The following STAT3 variants were observed in gnomAD, a reference collection of about 807,000 sequenced individuals.
The protein encoded by STAT3 is DNA-binding protein APRF.
In STAT3, 7 loss-of-function variants were observed where a neutral mutation model predicts 114.3. The ratio of observed to expected loss-of-function variants is 0.06; its 90% CI spans 0.03 to 0.11. STAT3 has a LOEUF of 0.11. STAT3 is among the 10% of genes least tolerant of loss of function. The pLI is 1.00. For synonymous variants in STAT3, 331 were observed against 354.5 expected (o/e 0.93, Z 0.74); for missense variants, 364 against 960.9 (o/e 0.38, Z 8.21).
chr17:42,387,152 A>G (rs939761194), intron 1 of STAT3: 3 of 152,216 alleles, frequency 2.0e-5, no homozygotes, highest in Non-Finnish European at 4.4e-5. Flanking sequence ...ACCAGCAGGT[A>G]CACACTATAC....
Position 42,323,745 on chromosome 17 carries a change from A to G in STAT3, c.1601-120T>C. On this transcript the variant is annotated intron_variant, in intron 17 of 23. Transcript: ENST00000264657. ...GGGCCACAAAATAATCAGCTTTCAC[A>G]TCTTTGAAGGTAGGCACTGTTGTGT... 3.2e-6 allele frequency: 3 copies of G among 946,674 alleles called. No individual in the cohort carries two copies. The South Asian group carries it at 4.2e-5, about 13-fold the overall frequency. The allele number at this position is 946,674 out of a possible 1,614,324, so 58.6% of individuals were successfully genotyped here. A position where few individuals can be genotyped will look rare whatever the true frequency, so the allele number is the denominator to read the frequency against.
At chr17:42,362,886 C>A (rs1035094821) in intron 1 of STAT3, among the ~76,000 whole-genome samples, 2 of 152,178 alleles carry the variant, frequency 1.3e-5, no homozygotes, top group African/African-American at 4.8e-5. Context: ...CTCAAAAACA[C>A]CAGGCTCCTG....
At chr17:42,341,591 A>G (rs2082445984) in intron 4 of STAT3, among the ~76,000 whole-genome samples, 1 of 152,228 alleles carries the variant, frequency 6.6e-6, no homozygotes, top group African/African-American at 2.4e-5. Flanking sequence ...CAGGGATTAC[A>G]TCCACTCTTC....
chr17:42,374,923 G>A (rs939016619), intron 1 of STAT3, among the ~76,000 whole-genome samples: 6 of 152,166 alleles, frequency 3.9e-5, no homozygotes, highest in African/African-American at 1.4e-4. Flanking sequence ...AAAGGAAAAT[G>A]AGAGCTTTAT....
chr17:42,360,542 G>A (rs1301993838), intron 1 of STAT3, among the ~76,000 whole-genome samples: 1 of 151,970 alleles, frequency 6.6e-6, no homozygotes, highest in African/African-American at 2.4e-5. Context: ...TACTCAGGAG[G>A]CTAAGGCAGG....
intron 17 of STAT3, 140 bp from the exon 18 acceptor site, chr17:42,323,765 T>A: frequency 1.2e-6 from 1 of 824,642 alleles, no homozygotes; most frequent in Non-Finnish European, 2.0e-6. Context: ...GTAGGCACTG[T>A]TGTGTGTGTG....
At chr17:42,321,623 G>T (rs1238979842) in intron 21 of STAT3, among the ~76,000 whole-genome samples, 1 of 152,022 alleles carries the variant, frequency 6.6e-6, no homozygotes, top group Admixed American at 6.6e-5. Flanking sequence ...ATTTCCTCCA[G>T]AAACCCTTTC....
At chr17:42,362,489 C>T (rs2083562358) in intron 1 of STAT3, among the ~76,000 whole-genome samples, 1 of 152,152 alleles carries the variant, frequency 6.6e-6, no homozygotes, top group South Asian at 2.1e-4. Context: ...CTTGCCACAC[C>T]CCTACTTAAA....
chr17:42,364,121 A>G (rs2083655816), intron 1 of STAT3, among the ~76,000 whole-genome samples: 1 of 151,960 alleles, frequency 6.6e-6, no homozygotes, highest in African/African-American at 2.4e-5. Flanking sequence ...CACACACATA[A>G]CCACCACCTC....
intron 1 of STAT3, 51 bp from the exon 2 acceptor site, chr17:42,348,590 C>T: frequency 6.2e-7 from 1 of 1,607,062 alleles, no homozygotes; most frequent in African/African-American, 1.3e-5. Context: ...TAGGGGTAAA[C>T]AATCTAGAAG....
intron 1 of STAT3, among the ~76,000 whole-genome samples, chr17:42,358,419 C>T (rs988131605): frequency 2.0e-5 from 3 of 152,142 alleles, no homozygotes; most frequent in Admixed American, 6.6e-5. Context: ...AAAGAAGGAG[C>T]AAGAGCTTAA....
chr17:42,318,430 C>T (rs983504308), intron 21 of STAT3, among the ~76,000 whole-genome samples: 5 of 152,138 alleles, frequency 3.3e-5, no homozygotes, highest in African/African-American at 1.2e-4. Flanking sequence ...CCAGCCTTGG[C>T]CACAATGCCC....
chr17:42,369,977 G>T (rs1321521885), intron 1 of STAT3, among the ~76,000 whole-genome samples: 2 of 150,890 alleles, frequency 1.3e-5, no homozygotes, highest in Non-Finnish European at 2.9e-5. Context: ...TTGGTTTTTT[G>T]TTGTTGTTTT....
At chr17:42,317,013 C>A (rs1447076854) in intron 22 of STAT3, 112 bp from the exon 23 acceptor site, 42 of 1,556,954 alleles carry the variant, frequency 2.7e-5, no homozygotes, top group Non-Finnish European at 2.0e-5. Context: ...TGGTCTCCAA[C>A]AGAAAAATAA....
chr17:42,315,982 G>A (rs1334981785), intron 23 of STAT3, 182 bp from the exon 24 acceptor site: 7 of 1,473,334 alleles, frequency 4.8e-6, no homozygotes, highest in Non-Finnish European at 6.3e-6. Context: ...CCCTGCCTCG[G>A]GAAGGGTCCT....
chr17:42,323,276 C>T lies in STAT3; in HGVS notation c.1732G>A (p.Ala578Thr). ...IIDLVKKYIL[A>T]LWNEGYIMGF... is the part of the protein sequence containing the mutation. ...CCAACCTACCCTTCGTTCCAAAGGG[C>T]CAGGATGTACTTTTTCACAAGGTCA... The change falls in exon 19 of 24, where the codon GCC becomes ACC. Residue 578 changes from alanine (A) to threonine (T), a missense_variant. Ala to Thr is a moderately conservative substitution (Grantham distance 58). This residue lies in a region of STAT3 where 294 missense variants were observed against 745.1 expected (regional missense o/e 0.39). Coordinates refer to ENST00000264657, the MANE Select transcript of STAT3 (RefSeq NM_139276.3). 1 of 1,614,170 alleles carries T rather than the reference C, an allele frequency of 6.2e-7. No homozygotes were observed. Among genetic ancestry groups the T allele is most frequent in the Non-Finnish European group, 8.5e-7 (1 of 1,180,028 alleles).
At chr17:42,384,124 A>ATTTT (rs1202429954) in intron 1 of STAT3, among the ~76,000 whole-genome samples, 8 of 81,954 alleles carry the variant, frequency 9.8e-5, no homozygotes, top group African/African-American at 2.8e-4. Flanking sequence ...TTATTTATTT[A>ATTTT]TTTATTTATT....
chr17:42,344,445 G>A (rs1044954899), intron 4 of STAT3, among the ~76,000 whole-genome samples: 5 of 150,894 alleles, frequency 3.3e-5, no homozygotes, highest in Non-Finnish European at 7.4e-5. Context: ...GGCTGGGCGT[G>A]GTGGCTCATG....
intron 21 of STAT3, among the ~76,000 whole-genome samples, chr17:42,321,011 C>T (rs1428848551): frequency 6.6e-6 from 1 of 151,242 alleles, no homozygotes; most frequent in Non-Finnish European, 1.5e-5. Flanking sequence ...GTCTTGAGTT[C>T]CTGGCCTCAA....
Sources: allele counts gnomAD v4.1 joint callset (sites outside exome capture counted in the v4.1 genomes callset), GRCh38; gene constraint gnomAD v4.1.1; regional missense constraint gnomAD v4.1.1; transcripts MANE v1.5; gene names NCBI Gene and HGNC (gene_info 2026-07-23, HGNC 2026-07-21).